The following DPP10 variants were observed in gnomAD, a reference collection of about 807,000 sequenced individuals.
The protein encoded by DPP10 is dipeptidyl peptidase like 10, also known as inactive dipeptidyl peptidase 10.
A neutral mutation model predicts 120.9 loss-of-function variants in DPP10; 33 were observed. That is an observed-to-expected ratio of 0.27 (90% CI 0.21 to 0.37). DPP10 has a LOEUF of 0.37. Ranked by LOEUF, DPP10 falls within the 10% of genes least tolerant of loss-of-function variation. The probability of loss-of-function intolerance (pLI) is 1.00; values close to 1 mark genes in which losing one functional copy is unlikely to be tolerated. For missense variants in DPP10, 816 were observed against 942.8 expected, an observed-to-expected ratio of 0.87 and a Z score of 1.76; for synonymous variants, 337 against 326.1, an observed-to-expected ratio of 1.03 and a Z score of -0.36.
chr2:115,609,791 G>T (rs989822969), intron 5 of DPP10, among the ~76,000 whole-genome samples: 2 of 152,164 alleles, frequency 1.3e-5, no homozygotes, highest in South Asian at 2.1e-4. Context: ...GCTCAGCTGT[G>T]AATAATATTT....
intron 1 of DPP10, among the ~76,000 whole-genome samples, chr2:114,538,377 A>T (rs550393611): frequency 6.6e-6 from 1 of 152,294 alleles, no homozygotes; most frequent in African/African-American, 2.4e-5. Flanking sequence ...TTGGAGATCT[A>T]GTGCAAACCC....
intron 5 of DPP10, among the ~76,000 whole-genome samples, chr2:115,544,889 G>C (rs1445852861): frequency 6.6e-6 from 1 of 151,992 alleles, no homozygotes; most frequent in Non-Finnish European, 1.5e-5. Context: ...TTTTCTGTTT[G>C]TTAAATACAG....
intron 1 of DPP10, among the ~76,000 whole-genome samples, chr2:114,926,702 G>C (rs908214742): frequency 2.0e-5 from 3 of 152,072 alleles, no homozygotes; most frequent in African/African-American, 7.2e-5. Context: ...ACTTAATATG[G>C]AATCACACCC....
At chr2:114,897,920 C>T (rs4849354) in intron 1 of DPP10, among the ~76,000 whole-genome samples, 43,057 of 151,432 alleles carry the variant, frequency 0.28, 6,444 homozygotes, top group East Asian at 0.59. Context: ...CTAGTTCAAC[C>T]ATTGTGGAAG....
intron 3 of DPP10, among the ~76,000 whole-genome samples, chr2:115,451,986 A>G (rs1327881722): frequency 6.6e-6 from 1 of 151,848 alleles, no homozygotes; most frequent in African/African-American, 2.4e-5. Flanking sequence ...ATTATAGTGT[A>G]TTTGGTCTAC....
At chr2:115,075,238 TTC>T (rs2104461907) in intron 1 of DPP10, among the ~76,000 whole-genome samples, 1 of 152,358 alleles carries the variant, frequency 6.6e-6, no homozygotes, top group Admixed American at 6.5e-5. Context: ...AATCCACAAA[TTC>T]TCTTTCTTAG....
At chr2:114,927,440 A>C (rs931120530) in intron 1 of DPP10, among the ~76,000 whole-genome samples, 1 of 152,160 alleles carries the variant, frequency 6.6e-6, no homozygotes, top group South Asian at 2.1e-4. Context: ...TAAGAAGTAC[A>C]TTAATTCATC....
chr2:114,747,265 G>C (rs7604074), intron 1 of DPP10, among the ~76,000 whole-genome samples: 1 of 152,122 alleles, frequency 6.6e-6, no homozygotes, highest in Non-Finnish European at 1.5e-5. Context: ...ATAATAAACT[G>C]TTGTCCTTCA....
At chr2:114,497,261 GTA>G (rs1682661786) in intron 1 of DPP10, among the ~76,000 whole-genome samples, 1 of 68,890 alleles carries the variant, frequency 1.5e-5, no homozygotes, top group Non-Finnish European at 3.2e-5. Flanking sequence ...ATGTACGTGT[GTA>G]TACATGTACA....
intron 1 of DPP10, among the ~76,000 whole-genome samples, chr2:115,209,451 T>C (rs2056367197): frequency 6.6e-6 from 1 of 152,196 alleles, no homozygotes. Flanking sequence ...TGCTATGAAA[T>C]AATCTATAGC....
Position 115,672,487 on chromosome 2 carries a change from CA to C in DPP10, c.442-17198del, listed in dbSNP as rs2089947879. Among the ~76,000 whole-genome samples the C allele has an allele frequency of 2.0e-5, 3 of 152,006 alleles. No homozygotes were observed. In the South Asian group the frequency reaches 6.2e-4, roughly 32 times the overall value. On this transcript the variant is annotated intron_variant, in intron 5 of 25. Transcript: ENST00000410059. ...AAAATGAGCTCTTTAGGAATTAGAACAATTATTATTTTCCTACAGATAGCCT... is the reference window on the plus strand; with the variant it reads ...AAAATGAGCTCTTTAGGAATTAGAACATTATTATTTTCCTACAGATAGCCT...
At chr2:115,274,073 T>C (rs763417545) in intron 1 of DPP10, among the ~76,000 whole-genome samples, 43 of 152,100 alleles carry the variant, frequency 2.8e-4, no homozygotes, top group Non-Finnish European at 5.0e-4. Context: ...GTAGAGCGCA[T>C]CATGCAGAAT....
chr2:114,598,705 G>A (rs191128533), intron 1 of DPP10, among the ~76,000 whole-genome samples: 72 of 151,994 alleles, frequency 4.7e-4, no homozygotes, highest in African/African-American at 1.7e-3. Flanking sequence ...GTAAATATTA[G>A]TTATAATAAC....
At chr2:115,319,676 A>G (rs1265782266) in intron 2 of DPP10, among the ~76,000 whole-genome samples, 3 of 152,198 alleles carry the variant, frequency 2.0e-5, no homozygotes, top group Non-Finnish European at 2.9e-5. Context: ...GTGCTGCTAT[A>G]GCAAAATACC....
At chr2:114,665,515 A>T (rs1697857782) in intron 1 of DPP10, among the ~76,000 whole-genome samples, 1 of 151,954 alleles carries the variant, frequency 6.6e-6, no homozygotes. Context: ...GGTGGAAGGG[A>T]CCCATGGCTT....
intron 1 of DPP10, among the ~76,000 whole-genome samples, chr2:114,500,436 G>T (rs933041949): frequency 2.6e-5 from 4 of 152,164 alleles, no homozygotes; most frequent in Non-Finnish European, 5.9e-5. Context: ...TTATATTAGG[G>T]TTAAGTATTG....
At chr2:115,645,648 T>C (rs1303288576) in intron 5 of DPP10, among the ~76,000 whole-genome samples, 2 of 152,184 alleles carry the variant, frequency 1.3e-5, no homozygotes, top group African/African-American at 2.4e-5. Context: ...AAAAAAATTA[T>C]GCTGTTCAGG....
At chr2:115,667,500 C>T (rs2089548753) in intron 5 of DPP10, among the ~76,000 whole-genome samples, 1 of 151,814 alleles carries the variant, frequency 6.6e-6, no homozygotes, top group African/African-American at 2.4e-5. Flanking sequence ...CTCTTTAATC[C>T]ATCTTGAGTT....
chr2:115,240,876 C>T (rs754172738), intron 1 of DPP10, among the ~76,000 whole-genome samples: 7 of 152,200 alleles, frequency 4.6e-5, no homozygotes, highest in Non-Finnish European at 7.3e-5. Context: ...AGCAACACAG[C>T]TACACTTCTC....
Sources: allele counts gnomAD v4.1 joint callset (sites outside exome capture counted in the v4.1 genomes callset), GRCh38; gene constraint gnomAD v4.1.1; transcripts MANE v1.5; gene names NCBI Gene and HGNC (gene_info 2026-07-23, HGNC 2026-07-21).